C12orf42: variants seen among roughly 807,000 people sequenced by gnomAD.
C12orf42 encodes the protein uncharacterized protein C12orf42.
Under a neutral mutation model 21.6 loss-of-function variants are expected in C12orf42, and 25 were observed. That is an observed-to-expected ratio of 1.16 (90% CI 0.84 to 1.62). The LOEUF (loss-of-function observed/expected upper bound fraction) is 1.62. Among genes scored for constraint, C12orf42 ranks in the 40% most tolerant of loss-of-function variants. The probability of loss-of-function intolerance (pLI) is 0.00; values close to 1 mark genes in which losing one functional copy is unlikely to be tolerated. For missense variants in C12orf42, 483 were observed against 459.3 expected (o/e 1.05, Z -0.47); for synonymous variants, 174 against 175.0 (o/e 0.99, Z 0.05).
downstream of C12orf42, among the ~76,000 whole-genome samples, chr12:103,267,378 T>C (rs2035221068): frequency 6.6e-6 from 1 of 151,998 alleles, no homozygotes; most frequent in South Asian, 2.1e-4. Flanking sequence ...TAATACCCAG[T>C]AATCTAGGTA....
chr12:103,061,191 A>G, the C12orf42 span, among the ~76,000 whole-genome samples: 1 of 149,728 alleles, frequency 6.7e-6, no homozygotes, highest in African/African-American at 2.5e-5. Context: ...TGCTTCTCAC[A>G]TTGCCTCCAT....
the C12orf42 span, among the ~76,000 whole-genome samples, chr12:103,122,755 G>A: frequency 6.6e-6 from 1 of 152,146 alleles, no homozygotes; most frequent in Non-Finnish European, 1.5e-5. Context: ...GTGTCAGAGA[G>A]TTTATGACAG....
the C12orf42 span, among the ~76,000 whole-genome samples, chr12:103,538,221 GT>G: frequency 6.6e-6 from 1 of 152,204 alleles, no homozygotes; most frequent in Non-Finnish European, 1.5e-5. Flanking sequence ...AAGAATTCTA[GT>G]AAAGCAGAAG....
At chr12:103,077,686 C>A in the C12orf42 span, among the ~76,000 whole-genome samples, 2 of 152,248 alleles carry the variant, frequency 1.3e-5, no homozygotes, top group Middle Eastern at 3.4e-3. Flanking sequence ...TGGTGCCAGG[C>A]AGTCACTTTA....
chr12:103,131,542 G>A, the C12orf42 span, among the ~76,000 whole-genome samples: 1 of 152,158 alleles, frequency 6.6e-6, no homozygotes, highest in Admixed American at 6.5e-5. Context: ...TTGAGGTAAA[G>A]CCCCATATCT....
intron 1 of C12orf42, among the ~76,000 whole-genome samples, chr12:103,483,390 A>G (rs1363873091): frequency 1.3e-5 from 2 of 152,188 alleles, no homozygotes; most frequent in African/African-American, 4.8e-5. Flanking sequence ...TAAAAAATTT[A>G]AGAAAATTCT....
the C12orf42 span, among the ~76,000 whole-genome samples, chr12:103,540,148 C>T: frequency 6.6e-6 from 1 of 151,844 alleles, no homozygotes; most frequent in East Asian, 2.0e-4. Context: ...GCTAGGATTA[C>T]AGGCACATGC....
chr12:103,483,668 T>C (rs1954627334), intron 1 of C12orf42, among the ~76,000 whole-genome samples: 1 of 152,136 alleles, frequency 6.6e-6, no homozygotes, highest in South Asian at 2.1e-4. Context: ...TTTTTTTCTT[T>C]CTTGTTTATT....
upstream of C12orf42, among the ~76,000 whole-genome samples, chr12:103,498,915 T>C (rs553928436): frequency 6.6e-6 from 1 of 151,986 alleles, no homozygotes; most frequent in African/African-American, 2.4e-5. Flanking sequence ...AAATAGCTAA[T>C]GCATGCTCGG....
chr12:103,484,323 G>A (rs1216522513), intron 1 of C12orf42, among the ~76,000 whole-genome samples: 1 of 152,142 alleles, frequency 6.6e-6, no homozygotes, highest in African/African-American at 2.4e-5. Flanking sequence ...TCCAGCATCT[G>A]TTGTTTCCTG....
the C12orf42 span, among the ~76,000 whole-genome samples, chr12:103,104,133 A>C: frequency 6.6e-6 from 1 of 152,334 alleles, no homozygotes; most frequent in East Asian, 1.9e-4. Context: ...AATGGCAAAA[A>C]ACAGTACTCC....
intron 4 of C12orf42, among the ~76,000 whole-genome samples, chr12:103,366,054 C>A (rs2044574477): frequency 6.6e-6 from 1 of 152,102 alleles, no homozygotes; most frequent in South Asian, 2.1e-4. Context: ...CATTACCCAA[C>A]TTCAAACTAT....
chr12:103,500,636 AGT>A (rs1184327967), upstream of C12orf42, among the ~76,000 whole-genome samples: 1 of 152,258 alleles, frequency 6.6e-6, no homozygotes, highest in Non-Finnish European at 1.5e-5. Flanking sequence ...GATGAGAATC[AGT>A]GTCACTTTAC....
At chr12:103,151,148 C>T in the C12orf42 span, among the ~76,000 whole-genome samples, 4 of 152,184 alleles carry the variant, frequency 2.6e-5, no homozygotes, top group African/African-American at 2.4e-5. Context: ...AGGCTGGTCT[C>T]GAACTCCTGA....
intron 5 of C12orf42, among the ~76,000 whole-genome samples, chr12:103,274,346 G>C (rs1441519423): frequency 6.6e-6 from 1 of 152,064 alleles, no homozygotes; most frequent in Non-Finnish European, 1.5e-5. Flanking sequence ...GTTAACTGTG[G>C]GTACATCTTT....
intron 4 of C12orf42, among the ~76,000 whole-genome samples, chr12:103,316,213 A>G (rs2039482577): frequency 8.0e-6 from 1 of 125,160 alleles, no homozygotes; most frequent in African/African-American, 3.8e-5. Context: ...CACTATTTTT[A>G]TTTGTCAATT....
chr12:103,083,886 A>G, the C12orf42 span, among the ~76,000 whole-genome samples: 40 of 152,164 alleles, frequency 2.6e-4, no homozygotes, highest in East Asian at 7.1e-3. Context: ...TAACCTCCAG[A>G]CTCCTCAACT....
chr12:103,335,343 G>C (rs1241180935), intron 4 of C12orf42, among the ~76,000 whole-genome samples: 1 of 152,094 alleles, frequency 6.6e-6, no homozygotes, highest in East Asian at 1.9e-4. Context: ...AAAATATGTA[G>C]GATGCTTTTA....
At chr12:103,216,391 G>A in the C12orf42 span, among the ~76,000 whole-genome samples, 1 of 145,728 alleles carries the variant, frequency 6.9e-6, no homozygotes, top group Non-Finnish European at 1.5e-5. Flanking sequence ...TTTTTTTTGA[G>A]ACAGAGTCTC....
Sources: gnomAD v4.1 joint callset for allele counts (sites outside exome capture counted in the v4.1 genomes callset) on GRCh38, gnomAD v4.1.1 for gene constraint, MANE v1.5 for transcripts, NCBI Gene and HGNC (gene_info 2026-07-23, HGNC 2026-07-21) for gene names.